Variants in GNG2 observed in about 807,000 individuals in gnomAD.
GNG2 encodes guanine nucleotide-binding protein G(I)/G(S)/G(O) subunit gamma-2.
GNG2 carries 5 observed loss-of-function variants against 5.5 expected under a neutral mutation model. That is an observed-to-expected ratio of 0.91 (90% confidence interval 0.48 to 1.92). The LOEUF is 1.92. GNG2 is among the 30% of genes most tolerant of loss of function. The probability of loss-of-function intolerance (pLI) is 0.01; values close to 1 mark genes in which losing one functional copy is unlikely to be tolerated. For synonymous variants in GNG2, 28 were observed against 32.0 expected, an observed-to-expected ratio of 0.88 and a Z score of 0.42; for missense variants, 55 against 88.4, an observed-to-expected ratio of 0.62 and a Z score of 1.52.
chr14:51,826,315 T>C (rs1881028722), intron 1 of GNG2: 1 of 151,882 alleles, frequency 6.6e-6, no homozygotes, highest in African/African-American at 2.4e-5. Flanking sequence ...ATTTTAAAAA[T>C]ACAAATTTTG....
chr14:51,966,209 C>CA (rs34653524), intron 3 of GNG2, among the ~76,000 whole-genome samples: 745 of 28,120 alleles, frequency 0.026, 155 homozygotes, highest in African/African-American at 0.094. Context: ...GACTGCATCT[C>CA]AAAAAAAAAA....
chr14:51,905,073 A>G (rs1461841192), intron 2 of GNG2, among the ~76,000 whole-genome samples: 2 of 152,112 alleles, frequency 1.3e-5, no homozygotes, highest in Non-Finnish European at 2.9e-5. Flanking sequence ...GAGTGTGAGG[A>G]ATTGTGGGAG....
chr14:51,846,597 A>G (rs1226257295), intron 2 of GNG2, among the ~76,000 whole-genome samples: 1 of 152,218 alleles, frequency 6.6e-6, no homozygotes, highest in African/African-American at 2.4e-5. Context: ...TTTGTTTTCT[A>G]CCTAACTTAA....
Position 51,885,610 on chromosome 14 carries a change from C to CA in GNG2, c.-30+7953_-30+7954insA, listed in dbSNP as rs35583464. 3.0e-4 allele frequency among the ~76,000 whole-genome samples: 45 copies of CA among 149,956 alleles called. 1 individual carries two copies. The highest frequency in any genetic ancestry group is 6.3e-4 in the South Asian group (3 of 4,726). Reference sequence around the variant, plus strand: ...TCTATAACACACACACACACACACACCCCCGCCCCCAAACAAAAAAACAAA... The same window carrying CA: ...TCTATAACACACACACACACACACACACCCCGCCCCCAAACAAAAAAACAAA... On this transcript the variant is annotated intron_variant, in intron 2 of 3. Transcript: ENST00000556766.
At position 51,955,588 on chromosome 14, in the gene GNG2, C is replaced by T. The variant is rs562276044; in HGVS notation, c.87+4823C>T. Among the ~76,000 whole-genome samples, 27 of 152,282 alleles carry T rather than the reference C, an allele frequency of 1.8e-4. No individual in the cohort carries two copies. In the South Asian group the frequency reaches 4.1e-3, roughly 23 times the overall value. ...GTATTAAGAGTGTCATATAACAAAA[C>T]ATTACTATATTCCCCATGACATTCC... On this transcript the variant is annotated intron_variant, in intron 3 of 3. Transcript: ENST00000556766.
intron 2 of GNG2, among the ~76,000 whole-genome samples, chr14:51,881,745 G>T (rs1594871156): frequency 6.8e-5 from 6 of 88,302 alleles, no homozygotes; most frequent in Admixed American, 4.3e-4. Flanking sequence ...ATAGTTTCCT[G>T]TCTTCCAAAA....
intron 2 of GNG2, among the ~76,000 whole-genome samples, chr14:51,884,617 G>A (rs541836103): frequency 1.3e-5 from 2 of 152,162 alleles, no homozygotes; most frequent in Non-Finnish European, 2.9e-5. Flanking sequence ...TGCAGTAAAG[G>A]CTATGAAGTG....
chr14:51,938,350 T>C (rs1215963903), intron 2 of GNG2, among the ~76,000 whole-genome samples: 1 of 152,238 alleles, frequency 6.6e-6, no homozygotes, highest in East Asian at 1.9e-4. Flanking sequence ...ATGGAGATTA[T>C]GCATGTAATG....
At chr14:51,909,234 C>A (rs1251944106) in intron 2 of GNG2, among the ~76,000 whole-genome samples, 6 of 152,152 alleles carry the variant, frequency 3.9e-5, no homozygotes, top group African/African-American at 7.2e-5. Context: ...GATAATTGAG[C>A]TTTTTCCTTC....
intron 2 of GNG2, among the ~76,000 whole-genome samples, chr14:51,835,736 T>A (rs1014535672): frequency 1.3e-5 from 2 of 152,234 alleles, no homozygotes; most frequent in African/African-American, 4.8e-5. Flanking sequence ...GTCTTCCTTT[T>A]AGAATTGAGA....
intron 2 of GNG2, among the ~76,000 whole-genome samples, chr14:51,833,343 T>C (rs1881246598): frequency 6.6e-6 from 1 of 152,208 alleles, no homozygotes; most frequent in Non-Finnish European, 1.5e-5. Context: ...TTTCAACTTT[T>C]TTCCAGTCCC....
At chr14:51,844,331 A>G (rs2140079647) in intron 2 of GNG2, among the ~76,000 whole-genome samples, 1 of 151,858 alleles carries the variant, frequency 6.6e-6, no homozygotes, top group East Asian at 1.9e-4. Context: ...TATGGTTCAA[A>G]CTCTCTCTCC....
intron 2 of GNG2, among the ~76,000 whole-genome samples, chr14:51,894,957 T>A (rs2140167709): frequency 6.6e-6 from 1 of 151,916 alleles, no homozygotes; most frequent in East Asian, 1.9e-4. Flanking sequence ...ATAGCCTCAG[T>A]ATCCAAAAAA....
intron 2 of GNG2, among the ~76,000 whole-genome samples, chr14:51,883,091 A>G (rs1884211258): frequency 6.6e-6 from 1 of 152,134 alleles, no homozygotes; most frequent in African/African-American, 2.4e-5. Context: ...CAAGGTAACA[A>G]ATTTCATATA....
chr14:51,875,591 A>C (rs970480824), intron 1 of GNG2, among the ~76,000 whole-genome samples: 1 of 152,048 alleles, frequency 6.6e-6, no homozygotes, highest in African/African-American at 2.4e-5. Context: ...TGTATCAGAA[A>C]GATACTATGT....
chr14:51,959,954 T>G (rs1889497196), intron 3 of GNG2, among the ~76,000 whole-genome samples: 1 of 152,206 alleles, frequency 6.6e-6, no homozygotes. Context: ...ATGCTGTGCC[T>G]TGGTGTCGTT....
intron 2 of GNG2, among the ~76,000 whole-genome samples, chr14:51,904,934 T>C (rs1374722927): frequency 6.6e-6 from 1 of 152,240 alleles, no homozygotes; most frequent in Non-Finnish European, 1.5e-5. Flanking sequence ...CACAGGACAT[T>C]ACGGTTTGGA....
At chr14:51,921,749 T>C (rs986113884) in intron 2 of GNG2, among the ~76,000 whole-genome samples, 2 of 152,188 alleles carry the variant, frequency 1.3e-5, no homozygotes, top group Non-Finnish European at 2.9e-5. Context: ...CTTATGCCAA[T>C]GGGTTTTTGC....
At position 51,896,256 on chromosome 14, in the gene GNG2, G is replaced by C. The variant is rs143813794; in HGVS notation, c.-30+18599G>C. ...CTAAAACGTAAAAGGAAGAGAGGAAGGGAACTAATATTTAGAGAACATCTA... is the reference window on the plus strand; with the variant it reads ...CTAAAACGTAAAAGGAAGAGAGGAACGGAACTAATATTTAGAGAACATCTA... On this transcript the variant is annotated intron_variant, in intron 2 of 3. Transcript: ENST00000556766. 7.6e-3 allele frequency among the ~76,000 whole-genome samples: 1,151 copies of C among 152,240 alleles called. 7 individuals carry two copies. Among genetic ancestry groups the C allele is most frequent in the African/African-American group, 0.019 (785 of 41,534 alleles).
Sources: gnomAD v4.1 joint callset for allele counts (sites outside exome capture counted in the v4.1 genomes callset) on GRCh38, gnomAD v4.1.1 for gene constraint, MANE v1.5 for transcripts, NCBI Gene and HGNC (gene_info 2026-07-23, HGNC 2026-07-21) for gene names.